The following MEI4 variants were observed in gnomAD, a reference collection of about 807,000 sequenced individuals.
MEI4 encodes meiosis-specific protein MEI4.
In MEI4, 27 loss-of-function variants were observed where a neutral mutation model predicts 31.4. That is an observed-to-expected ratio of 0.86 (90% CI 0.63 to 1.19). The LOEUF is 1.19. Ranked by LOEUF, MEI4 falls within the 50% of genes most tolerant of loss-of-function variation. MEI4 has a pLI of 0.00. For missense variants in MEI4, 329 were observed against 398.9 expected (o/e 0.82, Z 1.49); for synonymous variants, 122 against 145.4 (o/e 0.84, Z 1.16).
intron 2 of MEI4, among the ~76,000 whole-genome samples, chr6:77,731,461 T>G (rs1766989180): frequency 6.6e-6 from 1 of 151,194 alleles, no homozygotes; most frequent in Non-Finnish European, 1.5e-5. Context: ...CTTTGCCCAC[T>G]TTTTGATGGG....
At chr6:77,740,559 A>G (rs1269360541) in intron 2 of MEI4, among the ~76,000 whole-genome samples, 1 of 152,132 alleles carries the variant, frequency 6.6e-6, no homozygotes, top group Non-Finnish European at 1.5e-5. Context: ...GAATTATGAA[A>G]TATTTTAAAA....
chr6:77,703,686 A>G lies in MEI4; in HGVS notation c.232+12783A>G, dbSNP rs936834213. Among the ~76,000 whole-genome samples the G allele has an allele frequency of 3.3e-5, 5 of 152,180 alleles. No individual in the cohort carries two copies. In the South Asian group the frequency reaches 8.3e-4, roughly 25 times the overall value. On this transcript the variant is annotated intron_variant, in intron 2 of 4. Transcript: ENST00000684080. ...ATGGATCCTAGAAATCCTGAAATTT[A>G]TTTTTTAGGATAACTTTAATGTGCA...
chr6:77,652,595 C>T (rs1768319304), upstream of MEI4, among the ~76,000 whole-genome samples: 1 of 152,124 alleles, frequency 6.6e-6, no homozygotes, highest in South Asian at 2.1e-4. Flanking sequence ...AATTAGTGCA[C>T]TTTCTTAGAA....
At chr6:77,806,469 T>C (rs552927304) in intron 3 of MEI4, among the ~76,000 whole-genome samples, 2 of 152,252 alleles carry the variant, frequency 1.3e-5, no homozygotes, top group African/African-American at 4.8e-5. Flanking sequence ...ATATAACAGG[T>C]ATTTCTATGG....
intron 2 of MEI4, among the ~76,000 whole-genome samples, chr6:77,735,040 G>C (rs143648808): frequency 2.0e-5 from 3 of 152,044 alleles, no homozygotes; most frequent in Non-Finnish European, 4.4e-5. Flanking sequence ...GTGGGTAACC[G>C]TACCTTTCTC....
intron 1 of MEI4, among the ~76,000 whole-genome samples, chr6:77,675,867 A>G (rs1768835375): frequency 6.6e-6 from 1 of 152,178 alleles, no homozygotes; most frequent in African/African-American, 2.4e-5. Flanking sequence ...TTCGGATACA[A>G]TTTCAGCCGA....
chr6:77,866,389 A>T (rs1319226658), intron 4 of MEI4, among the ~76,000 whole-genome samples: 3 of 152,206 alleles, frequency 2.0e-5, no homozygotes, highest in African/African-American at 7.2e-5. Flanking sequence ...AAGTCTCAGG[A>T]TACAAAATCA....
At chr6:77,715,405 G>C (rs1452143037) in intron 2 of MEI4, among the ~76,000 whole-genome samples, 1 of 152,076 alleles carries the variant, frequency 6.6e-6, no homozygotes, top group African/African-American at 2.4e-5. Flanking sequence ...GTTTGATTAA[G>C]GTATCTACAG....
chr6:77,746,901 A>G (rs1193734306), intron 2 of MEI4, among the ~76,000 whole-genome samples: 1 of 152,162 alleles, frequency 6.6e-6, no homozygotes, highest in Non-Finnish European at 1.5e-5. Flanking sequence ...TGTGCGATGC[A>G]TGAAGATGAT....
chr6:77,874,580 A>G (rs1771283566), intron 4 of MEI4, among the ~76,000 whole-genome samples: 1 of 152,048 alleles, frequency 6.6e-6, no homozygotes, highest in Non-Finnish European at 1.5e-5. Context: ...CTCTTTTCCT[A>G]ATTGAATACC....
At chr6:77,702,762 A>C (rs1766251903) in intron 2 of MEI4, among the ~76,000 whole-genome samples, 1 of 152,092 alleles carries the variant, frequency 6.6e-6, no homozygotes, top group African/African-American at 2.4e-5. Context: ...CTCCAGCCCA[A>C]CCTGTCACCA....
At chr6:77,860,441 A>G (rs1412243718) in intron 4 of MEI4, among the ~76,000 whole-genome samples, 1 of 152,176 alleles carries the variant, frequency 6.6e-6, no homozygotes, top group African/African-American at 2.4e-5. Context: ...ACACTCAGAT[A>G]AGTGTTAACA....
intron 2 of MEI4, among the ~76,000 whole-genome samples, chr6:77,737,045 C>G (rs182961691): frequency 3.3e-5 from 5 of 152,188 alleles, no homozygotes; most frequent in South Asian, 4.2e-4. Context: ...AATAAGATGA[C>G]AAACTAGGTT....
intron 4 of MEI4, among the ~76,000 whole-genome samples, chr6:77,835,312 A>T (rs1201124862): frequency 6.7e-6 from 1 of 149,404 alleles, no homozygotes; most frequent in Non-Finnish European, 1.5e-5. Context: ...GTGAGCCGAG[A>T]CTGCACCATT....
chr6:77,703,285 CAG>C (rs1318077273), intron 2 of MEI4, among the ~76,000 whole-genome samples: 1 of 152,146 alleles, frequency 6.6e-6, no homozygotes, highest in African/African-American at 2.4e-5. Flanking sequence ...AAGTAGAATA[CAG>C]AGAGCAACAT....
intron 4 of MEI4, among the ~76,000 whole-genome samples, chr6:77,876,440 A>G (rs1321451910): frequency 6.6e-6 from 1 of 152,118 alleles, no homozygotes; most frequent in Non-Finnish European, 1.5e-5. Flanking sequence ...ACCCTTAGCC[A>G]TGGGATGGCC....
At chr6:77,673,040 G>C (rs1270498375) in intron 1 of MEI4, among the ~76,000 whole-genome samples, 2 of 152,196 alleles carry the variant, frequency 1.3e-5, no homozygotes, top group Non-Finnish European at 2.9e-5. Context: ...TGCTAGAAGA[G>C]TGAACATTTG....
Position 77,738,038 on chromosome 6 carries a change from T to G in MEI4, c.233-23092T>G, listed in dbSNP as rs112258552. ...AAAGTCATCTGCCTAAAAGAATTCT[T>G]TGAGGCAGTGAGAAAGATGGGGACA... On this transcript the variant is annotated intron_variant, in intron 2 of 4. Transcript: ENST00000684080. Among the ~76,000 whole-genome samples the G allele has an allele frequency of 1.7e-3, 257 of 152,316 alleles. 1 individual carries two copies. Among genetic ancestry groups the G allele is most frequent in the Non-Finnish European group, 2.7e-3 (185 of 68,020 alleles).
chr6:77,763,500 G>A (rs1305910632), intron 3 of MEI4, among the ~76,000 whole-genome samples: 2 of 152,106 alleles, frequency 1.3e-5, no homozygotes, highest in African/African-American at 4.8e-5. Flanking sequence ...AATTACCCGT[G>A]CAAGAAAGCC....
Sources: allele counts gnomAD v4.1 joint callset (sites outside exome capture counted in the v4.1 genomes callset), GRCh38; gene constraint gnomAD v4.1.1; transcripts MANE v1.5; gene names NCBI Gene and HGNC (gene_info 2026-07-23, HGNC 2026-07-21).